Variants in WWOX observed in about 807,000 individuals in gnomAD.
WWOX encodes WW domain-containing oxidoreductase.
Under a neutral mutation model 46.2 loss-of-function variants are expected in WWOX, and 69 were observed. The observed-to-expected ratio is 1.49, with a 90% CI of 1.23 to 1.82. WWOX has a LOEUF of 1.82. WWOX is among the 40% of genes most tolerant of loss of function. The pLI, the probability that WWOX is intolerant of heterozygous loss-of-function variation, is 0.00. For synonymous variants in WWOX, 359 were observed against 202.6 expected, an observed-to-expected ratio of 1.77 and a Z score of -6.56; for missense variants, 919 against 542.6, an observed-to-expected ratio of 1.69 and a Z score of -6.89.
intron 8 of WWOX, among the ~76,000 whole-genome samples, chr16:78,749,192 G>A (rs1044750286): frequency 6.6e-6 from 1 of 152,142 alleles, no homozygotes; most frequent in Non-Finnish European, 1.5e-5. Flanking sequence ...GGGGTGACCT[G>A]TGTGCCATGC....
chr16:78,782,228 A>G (rs904611934), intron 8 of WWOX, among the ~76,000 whole-genome samples: 1 of 151,824 alleles, frequency 6.6e-6, no homozygotes, highest in African/African-American at 2.4e-5. Flanking sequence ...ACCCCACTGG[A>G]CTTCTCTGCT....
intron 8 of WWOX, among the ~76,000 whole-genome samples, chr16:78,482,793 A>C (rs1295323214): frequency 6.6e-6 from 1 of 152,164 alleles, no homozygotes; most frequent in Non-Finnish European, 1.5e-5. Context: ...TAAGACGCAG[A>C]ACGTATGTTT....
At chr16:78,546,403 A>G (rs564471318) in intron 8 of WWOX, among the ~76,000 whole-genome samples, 95 of 152,320 alleles carry the variant, frequency 6.2e-4, no homozygotes, top group African/African-American at 1.3e-3. Flanking sequence ...GGCAGCCCAC[A>G]TTGAGTGTAA....
intron 8 of WWOX, among the ~76,000 whole-genome samples, chr16:78,752,916 C>T (rs544265955): frequency 2.0e-5 from 3 of 152,334 alleles, no homozygotes; most frequent in South Asian, 2.1e-4. Context: ...CCAGCAGCAA[C>T]GGCACACTCC....
chr16:78,414,716 C>G (rs1416807335), intron 6 of WWOX, among the ~76,000 whole-genome samples: 1 of 152,200 alleles, frequency 6.6e-6, no homozygotes. Context: ...ATTTAAAACT[C>G]AAGCCCCTCT....
intron 8 of WWOX, among the ~76,000 whole-genome samples, chr16:79,129,415 A>G (rs1350032207): frequency 2.0e-5 from 3 of 148,714 alleles, no homozygotes; most frequent in Admixed American, 6.8e-5. Flanking sequence ...TGATGTATCT[A>G]TCAAACACGG....
chr16:78,915,508 C>A (rs1027096195), intron 8 of WWOX, among the ~76,000 whole-genome samples: 2 of 152,108 alleles, frequency 1.3e-5, no homozygotes, highest in African/African-American at 4.8e-5. Context: ...CACAGAATGT[C>A]GCATGCAGAT....
At chr16:78,962,659 C>G (rs985650390) in intron 8 of WWOX, among the ~76,000 whole-genome samples, 1 of 152,112 alleles carries the variant, frequency 6.6e-6, no homozygotes, top group African/African-American at 2.4e-5. Context: ...TGAGATGTAT[C>G]ATTCCTACGG....
At position 78,315,172 on chromosome 16, in the gene WWOX, G is replaced by T. The variant is rs564922762; in HGVS notation, c.517-71688G>T. Among the ~76,000 whole-genome samples the T allele has an allele frequency of 8.5e-5, 13 of 152,164 alleles. No homozygotes were observed. The South Asian group carries it at 2.7e-3, about 32-fold the overall frequency. On this transcript the variant is annotated intron_variant, in intron 5 of 8. Coordinates refer to ENST00000566780, the MANE Select transcript of WWOX (RefSeq NM_016373.4). ...TTTCTTATGTAAGAAAACTCTGAAC[G>T]CGAGGCCAAAGTAGAATTTTCCCTG... is the stretch of plus-strand genomic sequence containing the variant.
At chr16:79,145,733 A>C (rs957139298) in intron 8 of WWOX, among the ~76,000 whole-genome samples, 2 of 152,244 alleles carry the variant, frequency 1.3e-5, no homozygotes, top group Admixed American at 1.3e-4. Context: ...ATTACTAGCA[A>C]TGAAATAATT....
chr16:79,107,606 C>T (rs1448193956), intron 8 of WWOX, among the ~76,000 whole-genome samples: 1 of 152,110 alleles, frequency 6.6e-6, no homozygotes, highest in Non-Finnish European at 1.5e-5. Context: ...GGAGGCAGAT[C>T]ACACTCTGCA....
At chr16:78,917,846 A>G (rs996814226) in intron 8 of WWOX, among the ~76,000 whole-genome samples, 19 of 152,190 alleles carry the variant, frequency 1.2e-4, no homozygotes, top group African/African-American at 4.6e-4. Flanking sequence ...GAATACATCT[A>G]GATCAGAAAT....
At chr16:79,094,310 A>G (rs1038108982) in intron 8 of WWOX, among the ~76,000 whole-genome samples, 27 of 149,968 alleles carry the variant, frequency 1.8e-4, no homozygotes, top group Non-Finnish European at 2.4e-4. Context: ...CTGGAGTGCA[A>G]TGGCACGATC....
intron 8 of WWOX, among the ~76,000 whole-genome samples, chr16:78,638,379 C>T (rs368861596): frequency 1.3e-5 from 2 of 152,222 alleles, no homozygotes; most frequent in African/African-American, 2.4e-5. Context: ...TGTCCTTTCC[C>T]CCTCTGGCTG....
At chr16:79,035,160 T>C (rs1360480291) in intron 8 of WWOX, among the ~76,000 whole-genome samples, 3 of 152,342 alleles carry the variant, frequency 2.0e-5, no homozygotes, top group Non-Finnish European at 2.9e-5. Flanking sequence ...GTCAGTATTT[T>C]CATTTTTGCA....
At chr16:79,100,148 C>G (rs1173502511) in intron 8 of WWOX, among the ~76,000 whole-genome samples, 5 of 152,098 alleles carry the variant, frequency 3.3e-5, no homozygotes, top group Non-Finnish European at 7.4e-5. Context: ...CCCAGCAACA[C>G]CTTGATTCAT....
At chr16:78,847,341 A>G (rs1200179964) in intron 8 of WWOX, among the ~76,000 whole-genome samples, 1 of 152,102 alleles carries the variant, frequency 6.6e-6, no homozygotes, top group Non-Finnish European at 1.5e-5. Flanking sequence ...TTATAATTTT[A>G]GTATATTTAT....
intron 8 of WWOX, among the ~76,000 whole-genome samples, chr16:78,585,301 A>C (rs2045168992): frequency 6.6e-6 from 1 of 152,170 alleles, no homozygotes; most frequent in Non-Finnish European, 1.5e-5. Flanking sequence ...GTTCTCCCTG[A>C]GGTAGGATCT....
chr16:79,161,336 G>GTAC (rs2050482556), intron 8 of WWOX, among the ~76,000 whole-genome samples: 1 of 152,096 alleles, frequency 6.6e-6, no homozygotes. Flanking sequence ...GGACGTCATT[G>GTAC]TACTCCCTTC....
Sources: gnomAD v4.1 joint callset for allele counts (sites outside exome capture counted in the v4.1 genomes callset) on GRCh38, gnomAD v4.1.1 for gene constraint, MANE v1.5 for transcripts, NCBI Gene and HGNC (gene_info 2026-07-23, HGNC 2026-07-21) for gene names.